The following SPG11 variants were observed in gnomAD, a reference collection of about 807,000 sequenced individuals.
The protein encoded by SPG11 is SPG11 vesicle trafficking associated, spatacsin, also known as spatacsin.
In SPG11, 222 loss-of-function variants were observed where a neutral mutation model predicts 274.0. That is an observed-to-expected ratio of 0.81 (90% CI 0.73 to 0.91). SPG11 has a LOEUF of 0.91. Ranked by LOEUF, SPG11 falls within the 40% of genes least tolerant of loss-of-function variation. SPG11 has a pLI of 0.00. For synonymous variants in SPG11, 1,144 were observed against 1,039.7 expected (o/e 1.10, Z -1.93); for missense variants, 3,114 against 2,872.7 (o/e 1.08, Z -1.92).
rs1337039378 is a variant in SPG11 at position 44,570,562 on chromosome 15, T to C, written c.6440A>G (p.Asp2147Gly). 6.2e-7 allele frequency: 1 copy of C among 1,614,172 alleles called. No individual in the cohort carries two copies. Among genetic ancestry groups the C allele is most frequent in the East Asian group, 2.2e-5 (1 of 44,880 alleles). Residue 2147 changes from aspartate (D) to glycine (G), a missense_variant, in exon 34 of 40, where the codon GAT becomes GGT. Transcript: ENST00000261866. Reference protein sequence around the residue: ...RVLQAAHMLTDNHLAPSEEYG... With the variant: ...RVLQAAHMLTGNHLAPSEEYG... ...CTCCTCACTGGGGGCCAGGTGGTTATCTGTGAGCATGTGGGCGGCCTGTAG... is the reference window on the plus strand; with the variant it reads ...CTCCTCACTGGGGGCCAGGTGGTTACCTGTGAGCATGTGGGCGGCCTGTAG...
At position 44,629,136 on chromosome 15, in the gene SPG11, G is replaced by A. The variant is rs139607472; in HGVS notation, c.1891+97C>T. On this transcript the variant is annotated intron_variant, in intron 9 of 39. Transcript: ENST00000261866. ...ACCTTACCCAAATGTAGTAAATGGC[G>A]TGCCACTGGTTTATGCTGTGTCACC... 9.6e-4 allele frequency: 1,314 copies of A among 1,364,790 alleles called. 7 individuals are homozygous for A. The African/African-American group carries it at 0.015, about 16-fold the overall frequency. The allele number at this position is 1,364,790 out of a possible 1,614,324, so 84.5% of individuals were successfully genotyped here.
intron 20 of SPG11, 127 bp downstream of exon 20, chr15:44,605,898 T>G: frequency 1.2e-6 from 1 of 827,006 alleles, no homozygotes; most frequent in East Asian, 2.7e-5. Context: ...CGAACTATTT[T>G]TCCTTTGGAA....
intron 4 of SPG11, among the ~76,000 whole-genome samples, chr15:44,655,351 A>G (rs1382161555): frequency 1.3e-5 from 2 of 152,206 alleles, no homozygotes; most frequent in Non-Finnish European, 2.9e-5. Context: ...ATAACCTTGT[A>G]TAACACCATG....
At chr15:44,571,359 T>C (rs988005762) in intron 33 of SPG11, among the ~76,000 whole-genome samples, 16 of 152,164 alleles carry the variant, frequency 1.1e-4, no homozygotes, top group Non-Finnish European at 1.6e-4. Context: ...ATTAAGACCC[T>C]AGTCTGAGCT....
rs544927303 is a variant in SPG11, at chr15:44,652,398, C to T, written c.870-132G>A. 80 of 912,184 alleles carry T rather than the reference C, an allele frequency of 8.8e-5. 1 individual carries two copies. The East Asian group carries it at 2.0e-3, about 23-fold the overall frequency. The allele number at this position is 912,184 out of a possible 1,614,324, so 56.5% of individuals were successfully genotyped here. A position where few individuals can be genotyped will look rare whatever the true frequency, so the allele number is the denominator to read the frequency against. On this transcript the variant is annotated intron_variant, in intron 4 of 39. Coordinates refer to ENST00000261866, the MANE Select transcript of SPG11 (RefSeq NM_025137.4). ...CAACAAATTCCGCAGAAAGGAACTC[C>T]TTATCTCCCTTGCTTATGTCACAGT...
Position 44,573,732 on chromosome 15 carries a change from G to T in SPG11, c.6020C>A (p.Ser2007Tyr), listed in dbSNP as rs1438415829. ...ATCCTGAGCAGCAACATCTGTGTAG[G>T]AACAGCCCAACTCCTGAGAGGAAGA... ...LYDLAKELGC[S>Y]YTDVAAQDGE... Residue 2007 changes from serine (S) to tyrosine (Y), a missense_variant, in exon 32 of 40, where the codon TCC (serine) becomes TAC (tyrosine). Physicochemically the swap from Ser to Tyr is moderately radical, Grantham distance 144. Coordinates refer to ENST00000261866, the MANE Select transcript of SPG11 (RefSeq NM_025137.4). The T allele has an allele frequency of 1.1e-5, 18 of 1,614,032 alleles. No individual in the cohort carries two copies. Among genetic ancestry groups the T allele is most frequent in the Non-Finnish European group, 1.4e-5 (17 of 1,180,036 alleles).
In SPG11 at chr15:44,574,988, C is replaced by A. The variant is rs770707105; in HGVS notation, c.5920G>T (p.Val1974Leu). 2.5e-6 allele frequency: 4 copies of A among 1,614,090 alleles called. No homozygotes were observed. The South Asian group carries it at 3.3e-5, about 13-fold the overall frequency. Reference sequence around the variant, plus strand: ...CTTGTCAGCACTTCCAGGTTAGTTACCACTTCATTACTGGAGGGCACTGTC... The same window carrying A: ...CTTGTCAGCACTTCCAGGTTAGTTAACACTTCATTACTGGAGGGCACTGTC... ...FVTVPSSNEV[V>L]TNLEVLTSKC... The change falls in exon 31 of 40, where the codon GTA becomes TTA. Residue 1974 changes from valine (V) to leucine (L), a missense_variant. Coordinates refer to ENST00000261866, the MANE Select transcript of SPG11 (RefSeq NM_025137.4).
chr15:44,610,753 T>A (rs2141004710), intron 18 of SPG11, 87 bp downstream of exon 18: 1 of 1,251,072 alleles, frequency 8.0e-7, no homozygotes, highest in East Asian at 2.4e-5. Context: ...AGTTATATTT[T>A]AATATCAGCT....
intron 14 of SPG11, chr15:44,621,009 A>C (rs180674355): frequency 1.3e-5 from 2 of 154,016 alleles, no homozygotes; most frequent in African/African-American, 4.8e-5. Flanking sequence ...ATTTTAAAAA[A>C]TATATATTCT....
chr15:44,574,021 G>T (rs967192170), intron 31 of SPG11, among the ~76,000 whole-genome samples: 4 of 151,396 alleles, frequency 2.6e-5, no homozygotes, highest in Non-Finnish European at 2.9e-5. Context: ...GTTGGGAGGG[G>T]TGGCAGAGTT....
intron 30 of SPG11, among the ~76,000 whole-genome samples, chr15:44,575,917 CG>C (rs561152136): frequency 4.3e-4 from 65 of 151,784 alleles, no homozygotes; most frequent in Admixed American, 1.1e-3. Context: ...CTGAGGCGGG[CG>C]GATCACTTGA....
intron 7 of SPG11, among the ~76,000 whole-genome samples, chr15:44,647,654 C>T (rs1296804809): frequency 6.6e-6 from 1 of 152,154 alleles, no homozygotes; most frequent in Non-Finnish European, 1.5e-5. Context: ...GTCAAAGATG[C>T]CTGTCACAAA....
intron 3 of SPG11, among the ~76,000 whole-genome samples, chr15:44,658,271 G>C (rs1713988038): frequency 6.6e-6 from 1 of 151,902 alleles, no homozygotes; most frequent in African/African-American, 2.4e-5. Flanking sequence ...ATCATATAAG[G>C]GGTAATTTGT....
At position 44,564,709 on chromosome 15, in the gene SPG11, G is replaced by A. The variant is rs2082274435; in HGVS notation, c.7000-11C>T. On this transcript the variant is annotated splice_polypyrimidine_tract_variant and intron_variant, in intron 38 of 39. Transcript: ENST00000261866. Reference sequence around the variant, plus strand: ...AGCCACAATAGAAGCCTTAAAAGGAGAGGTGAAGAAGGACACCATCAGAGC... The same window carrying A: ...AGCCACAATAGAAGCCTTAAAAGGAAAGGTGAAGAAGGACACCATCAGAGC... The A allele has an allele frequency of 1.2e-6, 2 of 1,614,016 alleles. No individual in the cohort carries two copies.
rs1271620689 is a variant in SPG11, at chr15:44,636,938, AAAAAAAAAAAAAAAAAAAAC to A, written c.1603-3321_1603-3302del. 1.8e-3 allele frequency among the ~76,000 whole-genome samples: 198 copies of A among 113,068 alleles called. 2 individuals carry two copies. The highest frequency in any genetic ancestry group is 8.4e-3 in the Middle Eastern group (2 of 238). The allele number at this position is 113,068 out of a possible 152,430, so 74.2% of individuals were successfully genotyped here. On this transcript the variant is annotated intron_variant, in intron 7 of 39. Transcript: ENST00000261866. ...AAGACTCCATCTCAAAAAAAAAAAA[AAAAAAAAAAAAAAAAAAAAC>A]AAAAAAAAAACACAAATGTGGTAAA...
chr15:44,657,369 G>T, intron 3 of SPG11, 73 bp from the exon 4 acceptor site: 1 of 1,415,358 alleles, frequency 7.1e-7, no homozygotes, highest in Non-Finnish European at 9.9e-7. Flanking sequence ...GGTTGGGAAA[G>T]AGCTATAGAC....
intron 20 of SPG11, among the ~76,000 whole-genome samples, chr15:44,601,268 T>C (rs1450416619): frequency 6.7e-6 from 1 of 148,530 alleles, no homozygotes; most frequent in Non-Finnish European, 1.5e-5. Flanking sequence ...TGATTTTTTA[T>C]TTTTTTTTTT....
At chr15:44,580,495 C>T (rs1015604896) in intron 30 of SPG11, among the ~76,000 whole-genome samples, 1 of 152,218 alleles carries the variant, frequency 6.6e-6, no homozygotes, top group African/African-American at 2.4e-5. Context: ...AAAAACTGAA[C>T]TGGCCAGGCA....
intron 30 of SPG11, among the ~76,000 whole-genome samples, chr15:44,576,135 T>G (rs1421924038): frequency 6.1e-5 from 2 of 32,828 alleles, no homozygotes; most frequent in Non-Finnish European, 1.0e-4. Context: ...AGAATGAAAC[T>G]CCATCTCAAA....
Sources: gnomAD v4.1 joint callset for allele counts (sites outside exome capture counted in the v4.1 genomes callset) on GRCh38, gnomAD v4.1.1 for gene constraint, MANE v1.5 for transcripts, NCBI Gene and HGNC (gene_info 2026-07-23, HGNC 2026-07-21) for gene names.